Variants in SOX6 observed in about 807,000 individuals in gnomAD.
SOX6 encodes SRY-box transcription factor 6, also known as transcription factor SOX-6.
SOX6 carries 11 observed loss-of-function variants against 97.8 expected under a neutral mutation model. That is an observed-to-expected ratio of 0.11 (90% CI 0.07 to 0.19). The LOEUF (loss-of-function observed/expected upper bound fraction) is 0.19, where lower values mean the gene tolerates loss of function less well. Ranked by LOEUF, SOX6 falls within the 10% of genes least tolerant of loss-of-function variation. The pLI, the probability that SOX6 is intolerant of heterozygous loss-of-function variation, is 1.00. For synonymous variants in SOX6, 360 were observed against 371.4 expected, an observed-to-expected ratio of 0.97 and a Z score of 0.35; for missense variants, 810 against 1,039.5, an observed-to-expected ratio of 0.78 and a Z score of 3.04.
intron 1 of SOX6, among the ~76,000 whole-genome samples, chr11:16,395,316 A>G (rs1170355653): frequency 6.6e-6 from 1 of 151,932 alleles, no homozygotes; most frequent in African/African-American, 2.4e-5. Flanking sequence ...AGGATGAGAA[A>G]CAAGATCCTT....
In SOX6 at chr11:16,706,472, ATATATATATATATATATATATATAT is replaced by A. The variant is rs1236858472; in HGVS notation, n.429+8333_429+8357del. ...CACAAAAAAAAAAAAAAAAAAAAAA[ATATATATATATATATATATATATAT>A]ATATATATATATATATATATATATA... On this transcript the variant is annotated intron_variant and non_coding_transcript_variant, in intron 3 of 5. Transcript: ENST00000524520. Among the ~76,000 whole-genome samples the A allele has an allele frequency of 3.0e-4, 5 of 16,510 alleles. 1 individual carries two copies. Among genetic ancestry groups the A allele is most frequent in the African/African-American group, 1.4e-3 (3 of 2,098 alleles). The allele number at this position is 16,510 out of a possible 152,430, so 10.8% of individuals were successfully genotyped here. A position where few individuals can be genotyped will look rare whatever the true frequency, so the allele number is the denominator to read the frequency against.
At chr11:16,461,933 T>G (rs1406573105) in intron 1 of SOX6, among the ~76,000 whole-genome samples, 1 of 152,120 alleles carries the variant, frequency 6.6e-6, no homozygotes, top group East Asian at 1.9e-4. Context: ...GACTCTAAGG[T>G]TCTTGAGGGC....
intron 3 of SOX6, among the ~76,000 whole-genome samples, chr11:16,258,555 G>C (rs1853766370): frequency 6.6e-6 from 1 of 151,944 alleles, no homozygotes; most frequent in Non-Finnish European, 1.5e-5. Flanking sequence ...AGGGATTGGG[G>C]GAGGGATGAA....
chr11:16,432,444 C>CA (rs1306285029), intron 1 of SOX6, among the ~76,000 whole-genome samples: 1 of 152,074 alleles, frequency 6.6e-6, no homozygotes, highest in Non-Finnish European at 1.5e-5. Flanking sequence ...CACATGCTGT[C>CA]ACTCTTAAGA....
intron 12 of SOX6, among the ~76,000 whole-genome samples, chr11:16,021,679 T>C (rs1274421008): frequency 6.6e-6 from 1 of 152,144 alleles, no homozygotes; most frequent in Non-Finnish European, 1.5e-5. Flanking sequence ...TTTTTTCAGC[T>C]AAAGCTATTA....
At chr11:16,567,561 C>CTTTTTT (rs59320140) in intron 4 of SOX6, among the ~76,000 whole-genome samples, 36 of 87,350 alleles carry the variant, frequency 4.1e-4, no homozygotes, top group Non-Finnish European at 6.6e-4. Context: ...ATATTTTTTT[C>CTTTTTT]TTTTTTTTTT....
At chr11:16,315,073 G>A in intron 3 of SOX6, 1 of 152,338 alleles carries the variant, frequency 6.6e-6, no homozygotes, top group Admixed American at 6.5e-5. Context: ...AAGTAGCTGG[G>A]ACTATAGGTA....
chr11:16,649,827 G>A (rs1182046504), intron 3 of SOX6, among the ~76,000 whole-genome samples: 1 of 151,988 alleles, frequency 6.6e-6, no homozygotes, highest in African/African-American at 2.4e-5. Context: ...TAAAAGGTAT[G>A]GAATAGCAAA....
rs1414018736 is a variant in SOX6, at chr11:16,008,944, C to T, written c.1732+5998G>A. On this transcript the variant is annotated intron_variant, in intron 13 of 15. Transcript: ENST00000683767. ...GTCTTGGGCCTCCCTCACTACCCATCCTGGCCTCAGTCACCAGTCTGCTGG... is the reference window on the plus strand; with the variant it reads ...GTCTTGGGCCTCCCTCACTACCCATTCTGGCCTCAGTCACCAGTCTGCTGG... Among the ~76,000 whole-genome samples, 45 of 152,056 alleles carry T rather than the reference C, an allele frequency of 3.0e-4. 1 individual carries two copies. The highest frequency in any genetic ancestry group is 2.8e-3 in the Admixed American group (43 of 15,238).
At chr11:16,433,660 T>C (rs1172269455) in intron 1 of SOX6, among the ~76,000 whole-genome samples, 3 of 152,084 alleles carry the variant, frequency 2.0e-5, no homozygotes. Context: ...AACCCATCCC[T>C]CAAACTCAGG....
At chr11:16,161,694 C>T (rs543114172) in intron 6 of SOX6, among the ~76,000 whole-genome samples, 1 of 152,264 alleles carries the variant, frequency 6.6e-6, no homozygotes, top group African/African-American at 2.4e-5. Flanking sequence ...ACTCCTGGTG[C>T]TAAGTTTTCT....
intron 1 of SOX6, among the ~76,000 whole-genome samples, chr11:16,450,016 C>T (rs1183980850): frequency 2.0e-5 from 3 of 152,152 alleles, no homozygotes; most frequent in East Asian, 3.8e-4. Context: ...GGAACCAAAT[C>T]ACCATCTACA....
At chr11:16,525,158 G>A (rs1335512967) in intron 4 of SOX6, among the ~76,000 whole-genome samples, 1 of 152,116 alleles carries the variant, frequency 6.6e-6, no homozygotes, top group Non-Finnish European at 1.5e-5. Context: ...AACCAAAAAA[G>A]AGCCCGCATT....
At chr11:16,376,002 G>A (rs1216897802) in intron 1 of SOX6, among the ~76,000 whole-genome samples, 1 of 152,048 alleles carries the variant, frequency 6.6e-6, no homozygotes, top group Non-Finnish European at 1.5e-5. Context: ...CACAGGGAGG[G>A]AAACATCACA....
At chr11:16,127,357 T>G (rs1404323971) in intron 6 of SOX6, among the ~76,000 whole-genome samples, 1 of 152,062 alleles carries the variant, frequency 6.6e-6, no homozygotes, top group Non-Finnish European at 1.5e-5. Flanking sequence ...TCTAGCATTC[T>G]GAATATACTG....
chr11:16,445,914 T>A (rs1364508817), intron 1 of SOX6, among the ~76,000 whole-genome samples: 1 of 152,164 alleles, frequency 6.6e-6, no homozygotes, highest in South Asian at 2.1e-4. Context: ...ATACAATATC[T>A]ACAGACCAAT....
intron 3 of SOX6, among the ~76,000 whole-genome samples, chr11:16,674,695 A>G (rs1197934864): frequency 6.6e-6 from 1 of 152,130 alleles, no homozygotes; most frequent in Non-Finnish European, 1.5e-5. Context: ...TCACACATGT[A>G]ATCCCAGCAC....
chr11:16,653,106 C>G (rs1268215561), intron 3 of SOX6, among the ~76,000 whole-genome samples: 1 of 152,002 alleles, frequency 6.6e-6, no homozygotes, highest in East Asian at 1.9e-4. Context: ...ATTTTAAAAA[C>G]TCAAAAAATA....
intron 1 of SOX6, among the ~76,000 whole-genome samples, chr11:16,441,208 C>T (rs868280480): frequency 3.9e-5 from 6 of 152,224 alleles, no homozygotes; most frequent in African/African-American, 1.2e-4. Context: ...AGGGTTCTTG[C>T]TTATGGCCAT....
Sources: allele counts gnomAD v4.1 joint callset (sites outside exome capture counted in the v4.1 genomes callset), GRCh38; gene constraint gnomAD v4.1.1; transcripts MANE v1.5; gene names NCBI Gene and HGNC (gene_info 2026-07-23, HGNC 2026-07-21).